Variants in LAMA2 observed in about 807,000 individuals in gnomAD.
LAMA2 encodes laminin subunit alpha 2, also known as laminin subunit alpha-2.
LAMA2 carries 269 observed loss-of-function variants against 364.8 expected under a neutral mutation model. That is an observed-to-expected ratio of 0.74 (90% confidence interval 0.67 to 0.82). The LOEUF is 0.82. LAMA2 is among the 40% of genes least tolerant of loss of function. The pLI, the probability that LAMA2 is intolerant of heterozygous loss-of-function variation, is 0.00. For synonymous variants in LAMA2, 1,379 were observed against 1,370.6 expected (o/e 1.01, Z -0.14); for missense variants, 3,807 against 3,873.2 (o/e 0.98, Z 0.45).
At chr6:129,149,664 T>G (rs571808279) in intron 7 of LAMA2, among the ~76,000 whole-genome samples, 1 of 152,150 alleles carries the variant, frequency 6.6e-6, no homozygotes, top group South Asian at 2.1e-4. Context: ...CACAAAATGT[T>G]CCCCACCTAT....
intron 3 of LAMA2, among the ~76,000 whole-genome samples, chr6:129,066,874 C>T (rs1436053633): frequency 6.6e-6 from 1 of 152,120 alleles, no homozygotes; most frequent in Non-Finnish European, 1.5e-5. Flanking sequence ...TGTCCACATG[C>T]AGAAGAATGA....
rs28713374 is a variant in LAMA2, at chr6:129,129,848, C to T, written c.640-14053C>T. On this transcript the variant is annotated intron_variant, in intron 4 of 64. Transcript: ENST00000421865. ...CTGAGGCAGGAGAATGGCGTGAACC[C>T]GGGAGGCGGAGCTTGCAGTGAGCCG... Among the ~76,000 whole-genome samples the T allele has an allele frequency of 5.5e-5, 8 of 144,396 alleles. No homozygotes were observed. The East Asian group carries it at 1.5e-3, about 26-fold the overall frequency. The allele number at this position is 144,396 out of a possible 152,430, so 94.7% of individuals were successfully genotyped here.
At chr6:129,074,546 C>G (rs1209127020) in intron 3 of LAMA2, among the ~76,000 whole-genome samples, 1 of 152,136 alleles carries the variant, frequency 6.6e-6, no homozygotes, top group African/African-American at 2.4e-5. Context: ...TGGTTGCTTG[C>G]TGATGCCTTC....
chr6:129,180,819 T>A (rs1214606377), intron 10 of LAMA2, among the ~76,000 whole-genome samples: 2 of 152,264 alleles, frequency 1.3e-5, no homozygotes, highest in East Asian at 3.9e-4. Flanking sequence ...CAAGCTAAAC[T>A]GAGCAACTGG....
intron 16 of LAMA2, among the ~76,000 whole-genome samples, chr6:129,269,582 C>T (rs1253863334): frequency 2.6e-5 from 4 of 151,952 alleles, no homozygotes; most frequent in Non-Finnish European, 4.4e-5. Flanking sequence ...ATACCATTTT[C>T]AACATGTTTA....
At chr6:129,202,838 G>A (rs1302457462) in intron 12 of LAMA2, among the ~76,000 whole-genome samples, 5 of 152,204 alleles carry the variant, frequency 3.3e-5, no homozygotes, top group Non-Finnish European at 7.3e-5. Context: ...ACAGACTGAT[G>A]TACACAAGAA....
chr6:128,901,806 C>T (rs1777100455), intron 1 of LAMA2, among the ~76,000 whole-genome samples: 1 of 152,220 alleles, frequency 6.6e-6, no homozygotes, highest in East Asian at 1.9e-4. Flanking sequence ...AATAATTCTA[C>T]AGTTGACTGC....
chr6:129,221,518 A>T (rs1472440281), intron 12 of LAMA2, among the ~76,000 whole-genome samples: 1 of 152,138 alleles, frequency 6.6e-6, no homozygotes, highest in Non-Finnish European at 1.5e-5. Flanking sequence ...GCAAATCAAT[A>T]TGTAGAATAG....
chr6:129,361,388 G>T (rs753210776), intron 32 of LAMA2, among the ~76,000 whole-genome samples: 1 of 152,154 alleles, frequency 6.6e-6, no homozygotes, highest in Non-Finnish European at 1.5e-5. Context: ...GTCAGTTATC[G>T]ATTGTATCAG....
chr6:128,941,289 G>C (rs1247698618), intron 1 of LAMA2, among the ~76,000 whole-genome samples: 21 of 152,216 alleles, frequency 1.4e-4, no homozygotes, highest in Admixed American at 7.9e-4. Context: ...GCCATATAAT[G>C]TTAGGTGCTG....
chr6:129,062,561 C>T (rs1272737340), intron 3 of LAMA2, among the ~76,000 whole-genome samples: 1 of 152,160 alleles, frequency 6.6e-6, no homozygotes, highest in Non-Finnish European at 1.5e-5. Flanking sequence ...CTAGAACCCT[C>T]ATTTTCTAGT....
intron 1 of LAMA2, among the ~76,000 whole-genome samples, chr6:128,949,737 A>G (rs1780696847): frequency 6.6e-6 from 1 of 152,146 alleles, no homozygotes; most frequent in Admixed American, 6.6e-5. Flanking sequence ...TTTATTTCAC[A>G]AGTCTTTTGT....
intron 1 of LAMA2, among the ~76,000 whole-genome samples, chr6:128,941,400 G>C (rs549940911): frequency 3.9e-5 from 6 of 152,214 alleles, no homozygotes; most frequent in South Asian, 2.1e-4. Context: ...CAATCTGAAG[G>C]CTTTTGAAAA....
chr6:129,287,851 G>A lies in LAMA2; in HGVS notation c.2542G>A (p.Ala848Thr). 4 of 1,613,730 alleles carry A rather than the reference G, an allele frequency of 2.5e-6. No individual in the cohort carries two copies. Among genetic ancestry groups the A allele is most frequent in the Non-Finnish European group, 3.4e-6 (4 of 1,179,712 alleles). ...GYTGPRCERC[A>T]EGYFGQPSVP... is the part of the protein sequence containing the mutation. ...TGATGAAATTTCTTGCCTTAGGTGTGCAGAAGGCTATTTTGGACAACCCTC... is the reference window on the plus strand; with the variant it reads ...TGATGAAATTTCTTGCCTTAGGTGTACAGAAGGCTATTTTGGACAACCCTC... Residue 848 changes from alanine to threonine, a missense_variant, in exon 19 of 65, where the codon GCA becomes ACA. Transcript: ENST00000421865.
At chr6:129,292,328 C>G (rs561686234) in intron 20 of LAMA2, among the ~76,000 whole-genome samples, 28 of 152,184 alleles carry the variant, frequency 1.8e-4, no homozygotes, top group Middle Eastern at 3.4e-3. Context: ...CCTGGGCGAC[C>G]GAGTGAGACT....
rs199714288 is a variant in LAMA2, at chr6:129,492,365, G to A, written c.8126G>A (p.Arg2709His). ...PVSFKNADIG[R>H]CAHQKLREDE... is the part of the protein sequence containing the mutation. Reference sequence around the variant, plus strand: ...TCCTTCAAAAATGCTGACATTGGTCGCTGTGCCCATCAGAAACTCCGTGAA... The same window carrying A: ...TCCTTCAAAAATGCTGACATTGGTCACTGTGCCCATCAGAAACTCCGTGAA... The change falls in exon 58 of 65, where the codon CGC becomes CAC. Residue 2709 changes from arginine to histidine, a missense_variant. Arg to His is a conservative substitution (Grantham distance 29, BLOSUM62 0). Coordinates refer to ENST00000421865, the MANE Select transcript of LAMA2 (RefSeq NM_000426.4). 1.5e-5 allele frequency: 24 copies of A among 1,613,952 alleles called. 1 individual carries two copies. The highest frequency in any genetic ancestry group is 6.7e-5 in the East Asian group (3 of 44,882).
chr6:129,178,792 A>G (rs1390185842), intron 10 of LAMA2, among the ~76,000 whole-genome samples: 1 of 152,106 alleles, frequency 6.6e-6, no homozygotes, highest in Non-Finnish European at 1.5e-5. Context: ...ATATACAACC[A>G]TTAAGCCATA....
intron 18 of LAMA2, among the ~76,000 whole-genome samples, chr6:129,286,924 A>C (rs1413580502): frequency 3.3e-5 from 2 of 61,368 alleles, no homozygotes; most frequent in African/African-American, 1.3e-4. Flanking sequence ...ATATAATATA[A>C]ATAGTTTTTG....
Position 129,481,406 on chromosome 6 carries a change from A to G in LAMA2, c.7716A>G (p.Ala2572=), listed in dbSNP as rs1175855648. ...TTTTGGGAAGTGGAGGGACACCAGC[A>G]CCACCTAGGAGAAAACGAAGGCAGA... The part of the protein sequence containing the change: ...IILLGSGGTP[A]PPRRKRRQTG... The change falls in exon 55 of 65, where the codon GCA becomes GCG. Residue 2572 remains alanine (A), a synonymous_variant. Coordinates refer to ENST00000421865, the MANE Select transcript of LAMA2 (RefSeq NM_000426.4). The G allele has an allele frequency of 6.2e-7, 1 of 1,613,972 alleles. No homozygotes were observed. The highest frequency in any genetic ancestry group is 8.5e-7 in the Non-Finnish European group (1 of 1,179,888).
Sources: allele counts gnomAD v4.1 joint callset (sites outside exome capture counted in the v4.1 genomes callset), GRCh38; gene constraint gnomAD v4.1.1; transcripts MANE v1.5; gene names NCBI Gene and HGNC (gene_info 2026-07-23, HGNC 2026-07-21).